Variants in PPP1R9A observed in about 807,000 individuals in gnomAD.
The protein encoded by PPP1R9A is protein phosphatase 1 regulatory subunit 9A, also known as neurabin-1.
Under a neutral mutation model 141.9 loss-of-function variants are expected in PPP1R9A, and 59 were observed. That is an observed-to-expected ratio of 0.42 (90% CI 0.34 to 0.52). The LOEUF (loss-of-function observed/expected upper bound fraction) is 0.52, where lower values mean the gene tolerates loss of function less well. PPP1R9A is among the 20% of genes least tolerant of loss of function. PPP1R9A has a pLI of 0.10. For missense variants in PPP1R9A, 1,444 were observed against 1,611.9 expected, an observed-to-expected ratio of 0.90 and a Z score of 1.78; for synonymous variants, 500 against 569.7, an observed-to-expected ratio of 0.88 and a Z score of 1.74.
chr7:95,093,037 A>G (rs1467086769), intron 2 of PPP1R9A, among the ~76,000 whole-genome samples: 1 of 152,236 alleles, frequency 6.6e-6, no homozygotes, highest in Non-Finnish European at 1.5e-5. Context: ...TCCCGATATC[A>G]ATATGGCAGG....
At chr7:95,228,738 A>G (rs1795493063) in intron 8 of PPP1R9A, among the ~76,000 whole-genome samples, 1 of 152,164 alleles carries the variant, frequency 6.6e-6, no homozygotes, top group South Asian at 2.1e-4. Flanking sequence ...AAACTAGTAA[A>G]TTTCTAGAGA....
intron 2 of PPP1R9A, among the ~76,000 whole-genome samples, chr7:94,922,421 G>T (rs1257744518): frequency 6.6e-6 from 1 of 152,094 alleles, no homozygotes; most frequent in East Asian, 1.9e-4. Context: ...CTTCTGAGTG[G>T]TTTTTATTAC....
chr7:95,138,512 A>C (rs1244560009), intron 4 of PPP1R9A, among the ~76,000 whole-genome samples: 1 of 152,212 alleles, frequency 6.6e-6, no homozygotes, highest in Admixed American at 6.5e-5. Flanking sequence ...ATGAAAGAAA[A>C]AACTGAGAAA....
At chr7:95,285,420 C>T (rs1420189538) in intron 17 of PPP1R9A, among the ~76,000 whole-genome samples, 1 of 152,222 alleles carries the variant, frequency 6.6e-6, no homozygotes, top group Non-Finnish European at 1.5e-5. Context: ...CTGCCATTAT[C>T]TTGCACTGTA....
intron 2 of PPP1R9A, among the ~76,000 whole-genome samples, chr7:94,933,713 A>T (rs1412971316): frequency 2.6e-5 from 4 of 152,188 alleles, no homozygotes; most frequent in Non-Finnish European, 5.9e-5. Context: ...CTTGGTCCTT[A>T]CAATAGCTGA....
At chr7:94,949,993 T>C (rs981360803) in intron 2 of PPP1R9A, among the ~76,000 whole-genome samples, 1 of 151,936 alleles carries the variant, frequency 6.6e-6, no homozygotes, top group Non-Finnish European at 1.5e-5. Flanking sequence ...CTCAAACTTT[T>C]TGGTGTCAAG....
At chr7:95,187,718 G>C (rs1834855454) in intron 5 of PPP1R9A, among the ~76,000 whole-genome samples, 1 of 152,050 alleles carries the variant, frequency 6.6e-6, no homozygotes, top group Admixed American at 6.6e-5. Context: ...TTATTGTTTA[G>C]TTCAAAGAAT....
At chr7:95,164,579 G>A (rs1279178506) in intron 5 of PPP1R9A, among the ~76,000 whole-genome samples, 1 of 151,754 alleles carries the variant, frequency 6.6e-6, no homozygotes, top group Non-Finnish European at 1.5e-5. Context: ...ATTGTCTTTG[G>A]CCTCTCTTCT....
intron 5 of PPP1R9A, among the ~76,000 whole-genome samples, chr7:95,195,011 G>C (rs1836033263): frequency 1.3e-5 from 2 of 152,000 alleles, no homozygotes; most frequent in South Asian, 4.1e-4. Flanking sequence ...TTGATACAGA[G>C]TTAGAAAACT....
At chr7:95,166,368 C>T (rs1416700767) in intron 5 of PPP1R9A, among the ~76,000 whole-genome samples, 1 of 151,936 alleles carries the variant, frequency 6.6e-6, no homozygotes, top group Non-Finnish European at 1.5e-5. Context: ...AAAGGAAGAA[C>T]TGTTAAAAAT....
intron 2 of PPP1R9A, among the ~76,000 whole-genome samples, chr7:95,021,497 GC>G (rs144254121): frequency 0.066 from 9,968 of 151,996 alleles, 447 homozygotes; most frequent in East Asian, 0.14. Context: ...GTCAATTTTG[GC>G]TTTTGTTGCC....
At chr7:95,062,885 GT>G (rs1812426694) in intron 2 of PPP1R9A, among the ~76,000 whole-genome samples, 1 of 152,180 alleles carries the variant, frequency 6.6e-6, no homozygotes, top group South Asian at 2.1e-4. Context: ...CTTGGTAGCA[GT>G]AGCGGCTGTG....
intron 4 of PPP1R9A, among the ~76,000 whole-genome samples, chr7:95,141,764 A>G (rs1826741938): frequency 6.6e-6 from 1 of 151,926 alleles, no homozygotes; most frequent in South Asian, 2.1e-4. Flanking sequence ...TAGTTTATTC[A>G]TTTTGATATT....
intron 2 of PPP1R9A, among the ~76,000 whole-genome samples, chr7:94,915,742 C>T (rs1331168996): frequency 6.6e-6 from 1 of 152,130 alleles, no homozygotes; most frequent in Non-Finnish European, 1.5e-5. Context: ...ATAACCCTTC[C>T]CCATTAATGA....
intron 4 of PPP1R9A, chr7:95,156,960 G>A (rs1056447544): frequency 1.3e-5 from 2 of 152,282 alleles, no homozygotes; most frequent in Non-Finnish European, 2.9e-5. Context: ...GCCTATTAGA[G>A]GGGAAGTGCA....
At chr7:94,999,769 A>C (rs1802632120) in intron 2 of PPP1R9A, among the ~76,000 whole-genome samples, 1 of 145,394 alleles carries the variant, frequency 6.9e-6, no homozygotes, top group African/African-American at 2.6e-5. Context: ...ACCAGCTGAG[A>C]TATCTTATTT....
chr7:95,281,124 C>G (rs73433129), intron 16 of PPP1R9A, among the ~76,000 whole-genome samples: 1 of 152,124 alleles, frequency 6.6e-6, no homozygotes, highest in South Asian at 2.1e-4. Context: ...ATACCACTCA[C>G]TGTTCAGTTC....
At chr7:95,122,079 A>G (rs1822720836) in intron 4 of PPP1R9A, among the ~76,000 whole-genome samples, 1 of 151,758 alleles carries the variant, frequency 6.6e-6, no homozygotes, top group Non-Finnish European at 1.5e-5. Context: ...TCATTTGACC[A>G]TCTTATCAAG....
At chr7:95,083,366 A>G (rs746938334) in intron 2 of PPP1R9A, among the ~76,000 whole-genome samples, 1 of 145,586 alleles carries the variant, frequency 6.9e-6, no homozygotes, top group Non-Finnish European at 1.5e-5. Context: ...GACACCTGTC[A>G]CATTACATTC....
Sources: gnomAD v4.1 joint callset for allele counts (sites outside exome capture counted in the v4.1 genomes callset) on GRCh38, gnomAD v4.1.1 for gene constraint, MANE v1.5 for transcripts, NCBI Gene and HGNC (gene_info 2026-07-23, HGNC 2026-07-21) for gene names.